The following PHF8 variants were observed in gnomAD, a reference collection of about 807,000 sequenced individuals.
PHF8 encodes PHD finger protein 8, also known as histone lysine demethylase PHF8.
A neutral mutation model predicts 74.4 loss-of-function variants in PHF8; 9 were observed. The observed-to-expected ratio is 0.12, with a 90% CI of 0.07 to 0.21. The LOEUF (loss-of-function observed/expected upper bound fraction) is 0.21. Among genes scored for constraint, PHF8 ranks in the 10% least tolerant of loss-of-function variants. The pLI is 1.00. For synonymous variants in PHF8, 311 were observed against 316.6 expected (o/e 0.98, Z 0.19); for missense variants, 478 against 816.6 (o/e 0.59, Z 5.05).
At chrX:54,010,456 AT>A (rs782669440) in intron 8 of PHF8, among the ~76,000 whole-genome samples, 10 of 112,482 alleles carry the variant, frequency 8.9e-5, no homozygotes, top group African/African-American at 2.9e-4. Flanking sequence ...AACCTTAAAG[AT>A]TTTTTAAATT....
intron 2 of PHF8, among the ~76,000 whole-genome samples, chrX:54,031,984 C>T (rs370806448): frequency 1.8e-5 from 2 of 110,947 alleles, no homozygotes; most frequent in East Asian, 2.8e-4. Flanking sequence ...CCAGGGACCA[C>T]ACTTTAAGGA....
chrX:53,952,612 G>A (rs1412367890), intron 19 of PHF8, among the ~76,000 whole-genome samples: 2 of 111,469 alleles, frequency 1.8e-5, no homozygotes, highest in Admixed American at 9.6e-5. Flanking sequence ...GGCTGGGCGC[G>A]GTGGCTCACG....
At chrX:54,030,593 A>G (rs148691890) in intron 2 of PHF8, among the ~76,000 whole-genome samples, 1,391 of 112,348 alleles carry the variant, frequency 0.012, 10 homozygotes, top group Non-Finnish European at 0.02. Context: ...TAAGTGCTAT[A>G]AAGTCAGTAA....
intron 2 of PHF8, among the ~76,000 whole-genome samples, chrX:54,037,882 C>G (rs1241016122): frequency 2.7e-5 from 3 of 112,443 alleles, no homozygotes; most frequent in Non-Finnish European, 5.6e-5. Context: ...CTCAGGGAAA[C>G]TAAGGCTTCA....
intron 18 of PHF8, among the ~76,000 whole-genome samples, chrX:53,979,692 AG>A (rs2065449210): frequency 1.8e-5 from 2 of 112,459 alleles, no homozygotes; most frequent in Non-Finnish European, 3.8e-5. Context: ...AAATTAACAT[AG>A]AAAAACTATG....
intron 18 of PHF8, among the ~76,000 whole-genome samples, chrX:53,968,989 C>T (rs782170399): frequency 1.8e-5 from 2 of 111,712 alleles, no homozygotes; most frequent in Non-Finnish European, 3.8e-5. Context: ...AATCCCAGCA[C>T]TTTGGGAGGC....
chrX:53,968,430 T>C (rs1377969427), intron 18 of PHF8, among the ~76,000 whole-genome samples: 2 of 111,813 alleles, frequency 1.8e-5, no homozygotes, highest in Non-Finnish European at 3.8e-5. Flanking sequence ...GAAGCAGTAA[T>C]AAGAAGTCTC....
At position 53,987,759 on chromosome X, in the gene PHF8, C is replaced by T; in HGVS notation, c.1909+7G>A. 8.5e-7 allele frequency: 1 copy of T among 1,176,659 alleles called. No homozygotes were observed. Among genetic ancestry groups the T allele is most frequent in the Non-Finnish European group, 1.1e-6 (1 of 871,315 alleles). On this transcript the variant is annotated splice_region_variant and intron_variant, in intron 15 of 21. Coordinates refer to ENST00000338154, the MANE Select transcript of PHF8 (RefSeq NM_015107.3). ...CAGGGGAGGAAAAAGAAAGAACAGA[C>T]ACACACTTGGTCTTATTATCAGGGT...
intron 2 of PHF8, among the ~76,000 whole-genome samples, chrX:54,031,439 AT>A (rs1241403962): frequency 9.1e-6 from 1 of 109,726 alleles, no homozygotes; most frequent in African/African-American, 3.3e-5. Flanking sequence ...ACTTAAAGGA[AT>A]GCAAAGGACA....
chrX:53,963,035 T>C (rs1256724345), intron 18 of PHF8, 96 bp from the exon 19 acceptor site: 7 of 570,008 alleles, frequency 1.2e-5, no homozygotes, highest in Non-Finnish European at 1.9e-5. Flanking sequence ...CCCCTACAAA[T>C]GTACCTTTTA....
rs781957301 is a variant in PHF8 at position 53,991,179 on chromosome X, AT to A, written c.1730+1556del. Among the ~76,000 whole-genome samples, 117 of 112,213 alleles carry A rather than the reference AT, an allele frequency of 1.0e-3. No homozygotes were observed. The South Asian group carries it at 0.041, about 40-fold the overall frequency. Reference sequence around the variant, plus strand: ...GGACTGCCTGATTCCCAAGTCCATAATTTTGTTGTAAACAGCTTTTATTTTA... The same window carrying A: ...GGACTGCCTGATTCCCAAGTCCATAATTTGTTGTAAACAGCTTTTATTTTA... On this transcript the variant is annotated intron_variant, in intron 14 of 21. Transcript: ENST00000338154.
At chrX:53,956,226 G>A (rs1557088649) in intron 19 of PHF8, among the ~76,000 whole-genome samples, 1 of 111,531 alleles carries the variant, frequency 9.0e-6, no homozygotes, top group East Asian at 2.8e-4. Context: ...CTCCAGCCTG[G>A]GCAACAGAGT....
Position 53,938,259 on chromosome X carries a change from G to A in PHF8, c.*899C>T, listed in dbSNP as rs879959719. 3.0e-5 allele frequency: 31 copies of A among 1,031,205 alleles called. No homozygotes were observed. Among genetic ancestry groups the A allele is most frequent in the East Asian group, 1.5e-4 (4 of 27,323 alleles). 85.0% of individuals were successfully genotyped at this position (1,031,205 alleles called of 1,213,427 possible). Reference sequence around the variant, plus strand: ...AGGCTGTAGGGCCAGGGTTATCTGCGTCATTGGCAGGTGCTTTCAGGTTTC... The same window carrying A: ...AGGCTGTAGGGCCAGGGTTATCTGCATCATTGGCAGGTGCTTTCAGGTTTC... On this transcript the variant is annotated 3_prime_UTR_variant, in exon 22 of 22. Transcript: ENST00000338154.
At position 53,937,184 on chromosome X, in the gene PHF8, G is replaced by A. The variant is rs2064681556; in HGVS notation, c.*1974C>T. ...GGAAACAACACAAAACAACAAACAG[G>A]GGGCTCTAAGAACCCAACTAAGCTA... On this transcript the variant is annotated 3_prime_UTR_variant, in exon 22 of 22. Transcript: ENST00000338154. 9.0e-6 allele frequency: 1 copy of A among 111,022 alleles called. No individual in the cohort carries two copies. The highest frequency in any genetic ancestry group is 9.6e-5 in the Admixed American group (1 of 10,395). The allele number at this position is 111,022 out of a possible 1,213,427, so 9.1% of individuals were successfully genotyped here.
upstream of PHF8, chrX:54,044,980 A>C (rs1200132921): frequency 6.0e-6 from 5 of 830,200 alleles, no homozygotes; most frequent in Admixed American, 2.7e-5. Context: ...TTATCACCAA[A>C]TGAAGGCAGG....
At chrX:53,948,570 A>G (rs1402981105) in intron 19 of PHF8, among the ~76,000 whole-genome samples, 1 of 111,296 alleles carries the variant, frequency 9.0e-6, no homozygotes, top group African/African-American at 3.3e-5. Context: ...ATCGGGTAAA[A>G]TATGTTATGA....
In PHF8 at chrX:54,025,887, G is replaced by A. The variant is rs926191923; in HGVS notation, c.99-3044C>T. ...CCTTCCCTATCTAGTTGAGATTCCA[G>A]CATTCCTCACTTCAATCATTCTCTT... On this transcript the variant is annotated intron_variant, in intron 2 of 21. Coordinates refer to ENST00000338154, the MANE Select transcript of PHF8 (RefSeq NM_015107.3). Among the ~76,000 whole-genome samples, 6 of 110,859 alleles carry A rather than the reference G, an allele frequency of 5.4e-5. No homozygotes were observed. In the Admixed American group the frequency reaches 5.8e-4, roughly 11 times the overall value.
chrX:54,043,120 T>C (rs1317304688), intron 1 of PHF8: 2 of 835,186 alleles, frequency 2.4e-6, no homozygotes, highest in East Asian at 1.2e-4. Flanking sequence ...CCTGAAGCCT[T>C]TTCGGGAAGC....
At chrX:53,941,798 T>C (rs1409022549) in intron 20 of PHF8, among the ~76,000 whole-genome samples, 3 of 111,725 alleles carry the variant, frequency 2.7e-5, no homozygotes, top group South Asian at 3.8e-4. Flanking sequence ...GAAGTAAGAA[T>C]TATAATCCCA....
Sources: allele counts gnomAD v4.1 joint callset (sites outside exome capture counted in the v4.1 genomes callset), GRCh38; gene constraint gnomAD v4.1.1; transcripts MANE v1.5; gene names NCBI Gene and HGNC (gene_info 2026-07-23, HGNC 2026-07-21).